SVOP: variants seen among roughly 807,000 people sequenced by gnomAD.
SVOP encodes synaptic vesicle 2-related protein.
SVOP carries 17 observed loss-of-function variants against 69.1 expected under a neutral mutation model. That is an observed-to-expected ratio of 0.25 (90% CI 0.17 to 0.37). SVOP has a LOEUF of 0.37. SVOP is among the 10% of genes least tolerant of loss of function. The pLI is 1.00. For missense variants in SVOP, 435 were observed against 597.5 expected (o/e 0.73, Z 2.84); for synonymous variants, 238 against 238.6 (o/e 1.00, Z 0.02).
At chr12:108,994,409 G>A (rs903042623) in intron 1 of SVOP, among the ~76,000 whole-genome samples, 4 of 152,066 alleles carry the variant, frequency 2.6e-5, no homozygotes, top group South Asian at 2.1e-4. Context: ...CAGGAGAATC[G>A]CTTGAACCCG....
chr12:108,963,816 TA>T (rs1206584686), intron 5 of SVOP, among the ~76,000 whole-genome samples: 1 of 152,146 alleles, frequency 6.6e-6, no homozygotes, highest in Non-Finnish European at 1.5e-5. Flanking sequence ...CAACACATTT[TA>T]AAAAATAGCT....
At chr12:108,955,167 T>C (rs568747133) in intron 6 of SVOP, among the ~76,000 whole-genome samples, 1 of 152,262 alleles carries the variant, frequency 6.6e-6, no homozygotes, top group Non-Finnish European at 1.5e-5. Flanking sequence ...ATCCTTTATC[T>C]TTCCTTATAT....
chr12:108,921,246 G>A (rs1335046986), intron 12 of SVOP, among the ~76,000 whole-genome samples: 8 of 152,172 alleles, frequency 5.3e-5, no homozygotes, highest in Non-Finnish European at 2.9e-5. Context: ...GCTGTGTGGG[G>A]AAAGGGTTTT....
intron 2 of SVOP, among the ~76,000 whole-genome samples, chr12:108,979,275 T>C (rs2040123823): frequency 6.6e-6 from 1 of 152,232 alleles, no homozygotes; most frequent in African/African-American, 2.4e-5. Flanking sequence ...TGTCTCGCTC[T>C]GTTGCCCAGG....
chr12:108,959,225 T>G (rs2040002850), intron 6 of SVOP, among the ~76,000 whole-genome samples: 1 of 152,134 alleles, frequency 6.6e-6, no homozygotes. Context: ...GATCCATACT[T>G]CTAGGTACCT....
intron 6 of SVOP, among the ~76,000 whole-genome samples, chr12:108,959,351 C>CTTTTT (rs36192896): frequency 9.4e-6 from 1 of 106,696 alleles, no homozygotes; most frequent in Non-Finnish European, 2.0e-5. Context: ...GCTTTTAATT[C>CTTTTT]TTTTTTTTTT....
intron 1 of SVOP, among the ~76,000 whole-genome samples, chr12:108,998,181 C>T (rs563257130): frequency 5.7e-4 from 87 of 152,026 alleles, no homozygotes; most frequent in Admixed American, 1.5e-3. Context: ...CCTCAGGAGC[C>T]GATGCGATCA....
At chr12:108,977,635 C>T in intron 3 of SVOP, 139 bp from the exon 4 acceptor site, 1 of 567,016 alleles carries the variant, frequency 1.8e-6, no homozygotes, top group Non-Finnish European at 3.2e-6. Context: ...GCACATCAAA[C>T]CACACTCAAA....
At position 108,912,181 on chromosome 12, in the gene SVOP, G is replaced by A; in HGVS notation, c.*354C>T. 8.7e-7 allele frequency: 1 copy of A among 1,146,336 alleles called. No individual in the cohort carries two copies. The highest frequency in any genetic ancestry group is 2.5e-5 in the South Asian group (1 of 40,520). The allele number at this position is 1,146,336 out of a possible 1,614,324, so 71.0% of individuals were successfully genotyped here. ...CCTGAGCCTGGACGGTATCTACAGA[G>A]AGATATTTTGGTTGTTCACTGAGGG... is the stretch of plus-strand genomic sequence containing the variant. On this transcript the variant is annotated 3_prime_UTR_variant, in exon 16 of 16. Coordinates refer to ENST00000610966, the MANE Select transcript of SVOP (RefSeq NM_018711.5).
At chr12:108,989,520 T>A (rs1303612483) in intron 1 of SVOP, among the ~76,000 whole-genome samples, 1 of 152,146 alleles carries the variant, frequency 6.6e-6, no homozygotes, top group Non-Finnish European at 1.5e-5. Context: ...GAAGTGTGAA[T>A]CGTGACACTG....
In SVOP at chr12:108,910,176, A is replaced by G. The variant is rs982925748; in HGVS notation, c.*2359T>C. 6.6e-6 allele frequency: 1 copy of G among 152,062 alleles called. No individual in the cohort carries two copies. The highest frequency in any genetic ancestry group is 2.4e-5 in the African/African-American group (1 of 41,386). The allele number at this position is 152,062 out of a possible 1,614,324, so 9.4% of individuals were successfully genotyped here. A position where few individuals can be genotyped will look rare whatever the true frequency, so the allele number is the denominator to read the frequency against. ...ACGGGGTTTCACCATGTTAGCCAGG[A>G]TGGTCTCGATCTCCTGACCTTGTGA... On this transcript the variant is annotated 3_prime_UTR_variant, in exon 16 of 16. Transcript: ENST00000610966.
At chr12:108,930,034 C>T (rs2039806393) in intron 11 of SVOP, among the ~76,000 whole-genome samples, 1 of 152,142 alleles carries the variant, frequency 6.6e-6, no homozygotes, top group African/African-American at 2.4e-5. Context: ...AAACTCTGAC[C>T]AAATCTGGTC....
intron 1 of SVOP, among the ~76,000 whole-genome samples, chr12:108,988,868 G>C (rs1229051567): frequency 6.8e-6 from 1 of 147,002 alleles, no homozygotes; most frequent in Non-Finnish European, 1.5e-5. Context: ...CGCTTCCCAG[G>C]TTCAAGTGAT....
rs997715311 is a variant in SVOP, at chr12:108,980,594, C to T, written c.197-1931G>A. ...TGAAACCCCGTCTCTACTGAAAATA[C>T]AAAAAATTAGCTGGGCGCGGTGGCG... On this transcript the variant is annotated intron_variant, in intron 2 of 15. Transcript: ENST00000610966. 8.3e-3 allele frequency among the ~76,000 whole-genome samples: 583 copies of T among 70,260 alleles called. 12 individuals are homozygous for T. The highest frequency in any genetic ancestry group is 0.04 in the African/African-American group (551 of 13,664). 46.1% of individuals were successfully genotyped at this position (70,260 alleles called of 152,430 possible).
intron 10 of SVOP, among the ~76,000 whole-genome samples, chr12:108,935,188 G>A (rs1296729812): frequency 6.6e-6 from 1 of 152,110 alleles, no homozygotes; most frequent in Non-Finnish European, 1.5e-5. Flanking sequence ...GCGTCAACTT[G>A]GACATGTGAT....
At chr12:108,967,783 A>G (rs2040053953) in intron 5 of SVOP, among the ~76,000 whole-genome samples, 1 of 152,166 alleles carries the variant, frequency 6.6e-6, no homozygotes, top group Non-Finnish European at 1.5e-5. Flanking sequence ...ACGTGTGACA[A>G]TCAAAAATGT....
chr12:108,965,739 T>C (rs965427410), intron 5 of SVOP, among the ~76,000 whole-genome samples: 6 of 152,104 alleles, frequency 3.9e-5, no homozygotes, highest in Non-Finnish European at 8.8e-5. Flanking sequence ...TGGTATTCTC[T>C]AACACGTTCA....
At chr12:109,018,710 T>C (rs1253155254) in intron 1 of SVOP, among the ~76,000 whole-genome samples, 1 of 152,204 alleles carries the variant, frequency 6.6e-6, no homozygotes, top group Non-Finnish European at 1.5e-5. Context: ...TAATTTTGAC[T>C]TCATTCAAAT....
intron 5 of SVOP, among the ~76,000 whole-genome samples, chr12:108,969,343 GCT>G (rs1178428674): frequency 8.7e-6 from 1 of 114,848 alleles, no homozygotes; most frequent in African/African-American, 3.4e-5. Flanking sequence ...TTCCTACCTC[GCT>G]CTCTTTCTCC....
Sources: gnomAD v4.1 joint callset for allele counts (sites outside exome capture counted in the v4.1 genomes callset) on GRCh38, gnomAD v4.1.1 for gene constraint, MANE v1.5 for transcripts, NCBI Gene and HGNC (gene_info 2026-07-23, HGNC 2026-07-21) for gene names.